The following ZBTB37 variants were observed in gnomAD, a reference collection of about 807,000 sequenced individuals.
ZBTB37 encodes the protein zinc finger and BTB domain-containing protein 37.
A neutral mutation model predicts 37.7 loss-of-function variants in ZBTB37; 15 were observed. That is an observed-to-expected ratio of 0.40 (90% CI 0.27 to 0.61). The LOEUF is 0.61. Ranked by LOEUF, ZBTB37 falls within the 20% of genes least tolerant of loss-of-function variation. The pLI is 0.44. For missense variants in ZBTB37, 514 were observed against 641.9 expected, an observed-to-expected ratio of 0.80 and a Z score of 2.15; for synonymous variants, 231 against 220.6, an observed-to-expected ratio of 1.05 and a Z score of -0.42.
chr1:173,897,030 G>C (rs1657077722), exon 4 of ZBTB37: 2 of 152,016 alleles, frequency 1.3e-5, no homozygotes, highest in Admixed American at 1.3e-4. Context: ...TTTTTAAAAA[G>C]TCTGTTTTCT....
chr1:173,892,556 T>C (rs1042634311), exon 4 of ZBTB37: 1 of 152,174 alleles, frequency 6.6e-6, no homozygotes, highest in Non-Finnish European at 1.5e-5. Flanking sequence ...CTGGAAGATA[T>C]TGGTGCAGAT....
chr1:173,875,516 A>G (rs1279286854), intron 4 of ZBTB37, among the ~76,000 whole-genome samples: 1 of 151,632 alleles, frequency 6.6e-6, no homozygotes, highest in African/African-American at 2.4e-5. Context: ...AGTAGATAGC[A>G]GGGTTTCACC....
At chr1:173,870,501 A>G (rs1442488085) in exon 3 of ZBTB37, 12 of 1,614,240 alleles carry the variant, frequency 7.4e-6, no homozygotes, top group Non-Finnish European at 9.3e-6. Flanking sequence ...CAGGGCGGAT[A>G]TGCCTGCAAC....
chr1:173,874,928 G>C (rs1030968021), intron 4 of ZBTB37, among the ~76,000 whole-genome samples: 5 of 151,858 alleles, frequency 3.3e-5, no homozygotes, highest in African/African-American at 4.8e-5. Flanking sequence ...TCTTGCTTGT[G>C]GGCGTGCAGG....
chr1:173,889,949 C>CT (rs998001491), downstream of ZBTB37: 4 of 152,180 alleles, frequency 2.6e-5, no homozygotes, highest in Non-Finnish European at 5.9e-5. Context: ...ATAGAAAAAA[C>CT]TTTTTCCCCC....
At chr1:173,870,950 C>A in exon 3 of ZBTB37, 5 of 1,614,184 alleles carry the variant, frequency 3.1e-6, no homozygotes, top group Non-Finnish European at 3.4e-6. Flanking sequence ...GTTCTTGGAG[C>A]AGTACACATC....
downstream of ZBTB37, chr1:173,890,421 A>G (rs939376619): frequency 6.6e-6 from 1 of 152,216 alleles, no homozygotes; most frequent in Non-Finnish European, 1.5e-5. Flanking sequence ...TTTTTCAGGT[A>G]CAAGAGGCAT....
intron 4 of ZBTB37, among the ~76,000 whole-genome samples, chr1:173,876,787 G>A (rs1361527652): frequency 6.6e-6 from 1 of 152,108 alleles, no homozygotes; most frequent in East Asian, 1.9e-4. Flanking sequence ...TCTCAAATAT[G>A]GTATGATAGC....
exon 4 of ZBTB37, chr1:173,894,995 T>C (rs1309775798): frequency 1.3e-5 from 2 of 152,208 alleles, no homozygotes; most frequent in Non-Finnish European, 2.9e-5. Flanking sequence ...AATTTTCATT[T>C]TGTACTGTGT....
At chr1:173,890,872 A>G (rs1256234838), downstream of ZBTB37, 1 of 152,218 alleles carries the variant, frequency 6.6e-6, no homozygotes, top group African/African-American at 2.4e-5. Context: ...GAAAATATTT[A>G]CTGTCTGGTA....
At position 173,874,146 on chromosome 1, in the gene ZBTB37, T is replaced by C. The variant is rs970489858; in HGVS notation, c.1023+580T>C. 2.0e-5 allele frequency among the ~76,000 whole-genome samples: 3 copies of C among 147,924 alleles called. No individual in the cohort carries two copies. In the Admixed American group the frequency reaches 2.1e-4, roughly 10 times the overall value. On this transcript the variant is annotated intron_variant, in intron 4 of 4. Transcript: ENST00000427304. ...GGCACGTGCCCGTGATCCCAACTACTCCAGAGGCTGAGGCAGGACAATGGC... is the reference window on the plus strand; with the variant it reads ...GGCACGTGCCCGTGATCCCAACTACCCCAGAGGCTGAGGCAGGACAATGGC...
Position 173,878,858 on chromosome 1 carries a change from C to T in ZBTB37, c.1023+5292C>T, listed in dbSNP as rs148132970. Reference sequence around the variant, plus strand: ...CAGCACTTTGGGAGGCTGAGATGGGCGGATCACTTGACATCAGGAGTGAGG... The same window carrying T: ...CAGCACTTTGGGAGGCTGAGATGGGTGGATCACTTGACATCAGGAGTGAGG... On this transcript the variant is annotated intron_variant, in intron 4 of 4. Transcript: ENST00000427304. Among the ~76,000 whole-genome samples the T allele has an allele frequency of 3.8e-3, 584 of 152,054 alleles. 4 individuals are homozygous for T. Among genetic ancestry groups the T allele is most frequent in the African/African-American group, 0.012 (501 of 41,480 alleles).
exon 3 of ZBTB37, chr1:173,870,860 T>A (rs1205618021): frequency 2.4e-5 from 39 of 1,614,112 alleles, no homozygotes; most frequent in Non-Finnish European, 3.3e-5. Context: ...GAGCCCATTC[T>A]TCGGATCAAC....
intron 4 of ZBTB37, among the ~76,000 whole-genome samples, chr1:173,875,227 A>G (rs1655881159): frequency 6.7e-6 from 1 of 149,926 alleles, no homozygotes; most frequent in South Asian, 2.1e-4. Flanking sequence ...TGCACACACT[A>G]TATATACTAT....
exon 4 of ZBTB37, chr1:173,903,170 T>C (rs1657335731): frequency 6.6e-6 from 1 of 152,096 alleles, no homozygotes; most frequent in Non-Finnish European, 1.5e-5. Context: ...TAAGATTCTG[T>C]CCTTCCCCTG....
chr1:173,875,334 T>A (rs867470613), intron 4 of ZBTB37, among the ~76,000 whole-genome samples: 938 of 85,226 alleles, frequency 0.011, 8 homozygotes, highest in East Asian at 0.079. Context: ...ATATATATTT[T>A]TTTTTTTTTT....
At chr1:173,885,990 G>A in exon 5 of ZBTB37, 1 of 1,551,738 alleles carries the variant, frequency 6.4e-7, no homozygotes, top group Non-Finnish European at 8.7e-7. Context: ...ACCCCTGGAG[G>A]GGCCTCACAG....
intron 1 of ZBTB37, chr1:173,868,634 C>G (rs1185352130): frequency 1.3e-5 from 2 of 152,456 alleles, no homozygotes; most frequent in Non-Finnish European, 2.9e-5. Flanking sequence ...CCGGGAAGGG[C>G]GGCCCCCTCC....
rs369831562 is a variant in ZBTB37, at chr1:173,880,154, A to G, written c.1024-5482A>G. Among the ~76,000 whole-genome samples, 253 of 152,316 alleles carry G rather than the reference A, an allele frequency of 1.7e-3. 1 individual carries two copies. The highest frequency in any genetic ancestry group is 5.8e-3 in the African/African-American group (240 of 41,562). ...TGCATTTGAGAGACCACGTTTTCTT[A>G]TCTTCTTTGTATCTCTGACATTATC... On this transcript the variant is annotated intron_variant, in intron 4 of 4. Transcript: ENST00000427304.
Sources: gnomAD v4.1 joint callset for allele counts (sites outside exome capture counted in the v4.1 genomes callset) on GRCh38, gnomAD v4.1.1 for gene constraint, MANE v1.5 for transcripts, NCBI Gene and HGNC (gene_info 2026-07-23, HGNC 2026-07-21) for gene names.